Variants in ACOX3 observed in about 807,000 individuals in gnomAD.
ACOX3 encodes the protein peroxisomal acyl-coenzyme A oxidase 3.
In ACOX3, 73 loss-of-function variants were observed where a neutral mutation model predicts 81.5. That is an observed-to-expected ratio of 0.90 (90% confidence interval 0.74 to 1.09). ACOX3 has a LOEUF of 1.09. Among genes scored for constraint, ACOX3 ranks in the 50% least tolerant of loss-of-function variants. ACOX3 has a pLI of 0.00. For missense variants in ACOX3, 947 were observed against 928.0 expected (o/e 1.02, Z -0.27); for synonymous variants, 387 against 375.1 (o/e 1.03, Z -0.37).
chr4:8,394,808 A>C lies in ACOX3; in HGVS notation c.1057-66T>G. Reference sequence around the variant, plus strand: ...CCATGAAGGGCAGCCCATCCCAGGGACCATGAAAGCCAGTGCAGGGAGAGG... The same window carrying C: ...CCATGAAGGGCAGCCCATCCCAGGGCCCATGAAAGCCAGTGCAGGGAGAGG... On this transcript the variant is annotated intron_variant, in intron 9 of 17. Coordinates refer to ENST00000356406, the MANE Select transcript of ACOX3 (RefSeq NM_003501.3). The surrounding 1 kb of genome is among the most constrained non-coding windows in gnomAD (Gnocchi z 5.9). 1 of 1,565,504 alleles carries C rather than the reference A, an allele frequency of 6.4e-7. No individual in the cohort carries two copies. Among genetic ancestry groups the C allele is most frequent in the East Asian group, 2.3e-5 (1 of 42,860 alleles).
Position 8,414,187 on chromosome 4 carries a change from C to A in ACOX3, c.543+105G>T. On this transcript the variant is annotated intron_variant, in intron 5 of 17. Coordinates refer to ENST00000356406, the MANE Select transcript of ACOX3 (RefSeq NM_003501.3). The surrounding 1 kb of genome is among the most constrained non-coding windows in gnomAD (Gnocchi z 6.1). The stretch of plus-strand genomic sequence containing the variant: ...TTCTACACAAGTGTATGTGGACAGG[C>A]CTCTTGCTTTAATGTTTTTTTTTTC... The A allele has an allele frequency of 3.2e-6, 3 of 951,938 alleles. No homozygotes were observed. The highest frequency in any genetic ancestry group is 5.0e-6 in the Non-Finnish European group (3 of 597,610). The allele number at this position is 951,938 out of a possible 1,614,324, so 59.0% of individuals were successfully genotyped here. A position where few individuals can be genotyped will look rare whatever the true frequency, so the allele number is the denominator to read the frequency against.
Position 8,393,619 on chromosome 4 carries a change from A to G in ACOX3, c.1179+1001T>C, listed in dbSNP as rs938563077. Among the ~76,000 whole-genome samples the G allele has an allele frequency of 2.9e-3, 334 of 115,798 alleles. 1 individual carries two copies. The highest frequency in any genetic ancestry group is 0.011 in the African/African-American group (317 of 28,490). 76.0% of individuals were successfully genotyped at this position (115,798 alleles called of 152,430 possible). A position where few individuals can be genotyped will look rare whatever the true frequency, so the allele number is the denominator to read the frequency against. ...TTAAGAGGAAGACACACACACGCACACACACACACACACACACGCACACAC... is the reference window on the plus strand; with the variant it reads ...TTAAGAGGAAGACACACACACGCACGCACACACACACACACACGCACACAC... On this transcript the variant is annotated intron_variant, in intron 10 of 17. Coordinates refer to ENST00000356406, the MANE Select transcript of ACOX3 (RefSeq NM_003501.3).
chr4:8,410,437 C>T, intron 5 of ACOX3, 82 bp from the exon 6 acceptor site: 2 of 1,523,898 alleles, frequency 1.3e-6, no homozygotes, highest in Non-Finnish European at 1.8e-6. Context: ...AGACAGATTC[C>T]ATTTTCTACG....
rs754191819 is a variant in ACOX3 at position 8,415,832 on chromosome 4, G to A, written c.312C>T (p.Pro104=). 13 of 1,614,122 alleles carry A rather than the reference G, an allele frequency of 8.1e-6. No individual in the cohort carries two copies. The East Asian group carries it at 1.3e-4, about 17-fold the overall frequency. ...ACATGCCCAGGCACTGAATCAAGGCGGGGACCTTCAGAGGGCTCTTGAACA... is the reference window on the plus strand; with the variant it reads ...ACATGCCCAGGCACTGAATCAAGGCAGGGACCTTCAGAGGGCTCTTGAACA... ...EDMFKSPLKV[P]ALIQCLGMYD... Residue 104 remains proline (P), a synonymous_variant, in exon 3 of 18, where the codon CCC becomes CCT. Coordinates refer to ENST00000356406, the MANE Select transcript of ACOX3 (RefSeq NM_003501.3).
chr4:8,365,822 C>A (rs1715383685), downstream of ACOX3, among the ~76,000 whole-genome samples: 1 of 152,158 alleles, frequency 6.6e-6, no homozygotes, highest in African/African-American at 2.4e-5. Context: ...GCTGGAAATT[C>A]AGTTTTTAAA....
In ACOX3 at chr4:8,416,351, C is replaced by A. The variant is rs747202892; in HGVS notation, c.144+27G>T. ...ACTAAGACCCCACTGGGAAAAAAGA[C>A]AAGCTGCGCACAACCGCACGCCTCA... On this transcript the variant is annotated intron_variant, in intron 2 of 17. Coordinates refer to ENST00000356406, the MANE Select transcript of ACOX3 (RefSeq NM_003501.3). This position sits in a 1 kb window ranked among gnomAD's most constrained non-coding sequence, Gnocchi z 4.2. 4 of 1,613,994 alleles carry A rather than the reference C, an allele frequency of 2.5e-6. No homozygotes were observed. Among genetic ancestry groups the A allele is most frequent in the Admixed American group, 3.3e-5 (2 of 60,022 alleles).
rs1578895604 is a variant in ACOX3, at chr4:8,389,023, A to G, written c.1537+150T>C. The G allele has an allele frequency of 1.6e-6, 1 of 633,124 alleles. No individual in the cohort carries two copies. Among genetic ancestry groups the G allele is most frequent in the Non-Finnish European group, 2.8e-6 (1 of 357,056 alleles). The allele number at this position is 633,124 out of a possible 1,614,324, so 39.2% of individuals were successfully genotyped here. ...GGCACAAAGAGATAGTCCATGAGCC[A>G]GCCCAGGACAAGCTGCATGCGGGGC... On this transcript the variant is annotated intron_variant, in intron 13 of 17. Coordinates refer to ENST00000356406, the MANE Select transcript of ACOX3 (RefSeq NM_003501.3). The surrounding 1 kb of genome is among the most constrained non-coding windows in gnomAD (Gnocchi z 5.3).
chr4:8,414,712 G>C lies in ACOX3; in HGVS notation c.453+142C>G. 1.3e-6 allele frequency: 1 copy of C among 778,570 alleles called. No individual in the cohort carries two copies. The highest frequency in any genetic ancestry group is 2.1e-6 in the Non-Finnish European group (1 of 466,690). 48.2% of individuals were successfully genotyped at this position (778,570 alleles called of 1,614,324 possible). A position where few individuals can be genotyped will look rare whatever the true frequency, so the allele number is the denominator to read the frequency against. Reference sequence around the variant, plus strand: ...TGCTAAAGAACAGTGCTAGCTATTTGGTGAGAAGCCTGAGAACACTAGGAA... The same window carrying C: ...TGCTAAAGAACAGTGCTAGCTATTTCGTGAGAAGCCTGAGAACACTAGGAA... On this transcript the variant is annotated intron_variant, in intron 4 of 17. Transcript: ENST00000356406. This position sits in a 1 kb window ranked among gnomAD's most constrained non-coding sequence, Gnocchi z 6.1.
chr4:8,389,052 C>G lies in ACOX3; in HGVS notation c.1537+121G>C. ...CAGGACAAGCTGCATGCGGGGCCTC[C>G]CACCACCACTGCTGCCCCGGCTGGA... On this transcript the variant is annotated intron_variant, in intron 13 of 17. Coordinates refer to ENST00000356406, the MANE Select transcript of ACOX3 (RefSeq NM_003501.3). The surrounding 1 kb of genome is among the most constrained non-coding windows in gnomAD (Gnocchi z 5.3). 1 of 753,960 alleles carries G rather than the reference C, an allele frequency of 1.3e-6. No homozygotes were observed. The highest frequency in any genetic ancestry group is 1.7e-5 in the African/African-American group (1 of 57,338). 46.7% of individuals were successfully genotyped at this position (753,960 alleles called of 1,614,324 possible).
At chr4:8,390,015 A>G (rs1250900433) in intron 11 of ACOX3, among the ~76,000 whole-genome samples, 1 of 151,444 alleles carries the variant, frequency 6.6e-6, no homozygotes, top group Non-Finnish European at 1.5e-5. Context: ...AGGCAGGAGA[A>G]TCGCTTGAGC....
chr4:8,377,817 G>A (rs566908661), intron 14 of ACOX3, among the ~76,000 whole-genome samples: 35 of 152,338 alleles, frequency 2.3e-4, no homozygotes, highest in African/African-American at 7.0e-4. Context: ...CGGGGGGACA[G>A]TAATGCCTCA....
intron 16 of ACOX3, 133 bp downstream of exon 16, chr4:8,373,428 C>G (rs529738747): frequency 8.7e-6 from 8 of 915,064 alleles, no homozygotes; most frequent in Non-Finnish European, 1.3e-5. Context: ...CTGGGTGACG[C>G]TAAGGGGGTG....
chr4:8,416,462 G>C lies in ACOX3; in HGVS notation c.60C>G (p.Pro20=), dbSNP rs1722353309. 4 of 1,613,936 alleles carry C rather than the reference G, an allele frequency of 2.5e-6. No individual in the cohort carries two copies. The highest frequency in any genetic ancestry group is 1.7e-5 in the Admixed American group (1 of 59,990). The part of the protein sequence containing the change: ...TALLPEFPRG[P]LDAYRARASF... ...ACGCTCTTGCTCGGTAGGCATCGAG[G>C]GGCCCCCTGGGGAATTCTGGGAGCA... Residue 20 remains proline (P), a synonymous_variant, in exon 2 of 18, where the codon CCC becomes CCG. Coordinates refer to ENST00000356406, the MANE Select transcript of ACOX3 (RefSeq NM_003501.3). The surrounding 1 kb of genome is among the most constrained non-coding windows in gnomAD (Gnocchi z 4.2).
At chr4:8,396,470 A>T (rs1285683510) in intron 9 of ACOX3, among the ~76,000 whole-genome samples, 1 of 152,158 alleles carries the variant, frequency 6.6e-6, no homozygotes, top group African/African-American at 2.4e-5. Context: ...GGAGGTCAGG[A>T]GTTCGAGACC....
At position 8,407,147 on chromosome 4, in the gene ACOX3, T is replaced by A. The variant is rs1721078514; in HGVS notation, c.688-1104A>T. Reference sequence around the variant, plus strand: ...ATAACAGAAGGCTCGTACTCTTGTCTTCTGGTCACTCCTCACTATGTCCCC... The same window carrying A: ...ATAACAGAAGGCTCGTACTCTTGTCATCTGGTCACTCCTCACTATGTCCCC... On this transcript the variant is annotated intron_variant, in intron 6 of 17. Coordinates refer to ENST00000356406, the MANE Select transcript of ACOX3 (RefSeq NM_003501.3). This position sits in a 1 kb window ranked among gnomAD's most constrained non-coding sequence, Gnocchi z 4.6. Among the ~76,000 whole-genome samples, 2 of 152,234 alleles carry A rather than the reference T, an allele frequency of 1.3e-5. No homozygotes were observed. The highest frequency in any genetic ancestry group is 4.1e-4 in the South Asian group (2 of 4,828).
Position 8,370,911 on chromosome 4 carries a change from G to T in ACOX3, c.1980C>A (p.Gly660=). Residue 660 remains glycine (G), a synonymous_variant, in exon 17 of 18, where the codon GGC becomes GGA. Transcript: ENST00000356406. This position sits in a 1 kb window ranked among gnomAD's most constrained non-coding sequence, Gnocchi z 6.3. ...VLDSPIGRAD[G]ELYKNLWGAV... ...TGAGGCCCTGTCCTCCCTTTACCTCGCCGTCGGCTCTGCCAATCGGTGAGT... is the reference window on the plus strand; with the variant it reads ...TGAGGCCCTGTCCTCCCTTTACCTCTCCGTCGGCTCTGCCAATCGGTGAGT... The T allele has an allele frequency of 6.2e-7, 1 of 1,613,574 alleles. No homozygotes were observed. Among genetic ancestry groups the T allele is most frequent in the Non-Finnish European group, 8.5e-7 (1 of 1,179,910 alleles).
chr4:8,424,587 T>C (rs1007426438), intron 1 of ACOX3, among the ~76,000 whole-genome samples: 4 of 152,204 alleles, frequency 2.6e-5, no homozygotes, highest in Non-Finnish European at 4.4e-5. Flanking sequence ...TGTCTCATGA[T>C]GTGGACGGCA....
chr4:8,379,516 G>A (rs537968632), intron 14 of ACOX3, among the ~76,000 whole-genome samples: 74 of 152,298 alleles, frequency 4.9e-4, no homozygotes, highest in Non-Finnish European at 8.1e-4. Context: ...GGCCTCTGCC[G>A]CAGCCCTCCG....
chr4:8,365,125 C>T (rs74403691), downstream of ACOX3, among the ~76,000 whole-genome samples: 4,456 of 152,322 alleles, frequency 0.029, 82 homozygotes, highest in South Asian at 0.07. Flanking sequence ...GGCCCAACTG[C>T]TCTTGGGCTG....
Sources: gnomAD v4.1 joint callset for allele counts (sites outside exome capture counted in the v4.1 genomes callset) on GRCh38, gnomAD v4.1.1 for gene constraint, Gnocchi (gnomAD v3.1) non-coding constraint, MANE v1.5 for transcripts, NCBI Gene and HGNC (gene_info 2026-07-23, HGNC 2026-07-21) for gene names.